Variants in PLCB1 observed in about 807,000 individuals in gnomAD.
PLCB1 encodes the protein 1-phosphatidylinositol 4,5-bisphosphate phosphodiesterase beta-1.
A neutral mutation model predicts 161.8 loss-of-function variants in PLCB1; 46 were observed. The observed-to-expected ratio is 0.28, with a 90% CI of 0.22 to 0.36. PLCB1 has a LOEUF of 0.36. Among genes scored for constraint, PLCB1 ranks in the 10% least tolerant of loss-of-function variants. PLCB1 has a pLI of 1.00. For missense variants in PLCB1, 1,016 were observed against 1,472.5 expected, an observed-to-expected ratio of 0.69 and a Z score of 5.07; for synonymous variants, 517 against 503.7, an observed-to-expected ratio of 1.03 and a Z score of -0.35.
At chr20:8,555,423 C>T (rs1985918877) in intron 3 of PLCB1, among the ~76,000 whole-genome samples, 1 of 152,078 alleles carries the variant, frequency 6.6e-6, no homozygotes, top group African/African-American at 2.4e-5. Context: ...AAGAAGAAAA[C>T]ACAAACTCAT....
intron 2 of PLCB1, among the ~76,000 whole-genome samples, chr20:8,251,522 G>A (rs1050660417): frequency 6.6e-6 from 1 of 151,870 alleles, no homozygotes; most frequent in Admixed American, 6.6e-5. Context: ...ATCTATCAGA[G>A]ACTTTGAGTT....
chr20:8,298,216 G>A (rs1395042325), intron 2 of PLCB1, among the ~76,000 whole-genome samples: 1 of 150,608 alleles, frequency 6.6e-6, no homozygotes, highest in Non-Finnish European at 1.5e-5. Context: ...GATCGCTTGA[G>A]TCTTGGAGGT....
rs773990707 is a variant in PLCB1 at position 8,647,234 on chromosome 20, A to G, written c.465-666A>G. ...GTTTTCCAGACAATGTTTCTAGAAC[A>G]TTCATTCTTCCATGAAATGTTAGTG... is the stretch of plus-strand genomic sequence containing the variant. On this transcript the variant is annotated intron_variant, in intron 5 of 31. Transcript: ENST00000338037. 6.8e-4 allele frequency among the ~76,000 whole-genome samples: 103 copies of G among 152,148 alleles called. 1 individual carries two copies. Among genetic ancestry groups the G allele is most frequent in the Non-Finnish European group, 1.2e-3 (79 of 68,024 alleles).
At chr20:8,705,525 T>C (rs16995128) in intron 11 of PLCB1, among the ~76,000 whole-genome samples, 6,355 of 152,272 alleles carry the variant, frequency 0.042, 441 homozygotes, top group African/African-American at 0.15. Flanking sequence ...ACATGCCCTT[T>C]AAAGCAATCT....
At chr20:8,586,693 C>A (rs1987002184) in intron 3 of PLCB1, among the ~76,000 whole-genome samples, 1 of 152,152 alleles carries the variant, frequency 6.6e-6, no homozygotes, top group African/African-American at 2.4e-5. Flanking sequence ...TAGAGAATCC[C>A]CTTTTCACAT....
At chr20:8,257,090 A>G (rs1277030686) in intron 2 of PLCB1, among the ~76,000 whole-genome samples, 2 of 152,170 alleles carry the variant, frequency 1.3e-5, no homozygotes, top group African/African-American at 4.8e-5. Context: ...CTGTCTCCAG[A>G]GATACCTCTA....
chr20:8,882,258 A>G lies in PLCB1; in HGVS notation c.*409A>G, dbSNP rs1988023914. ...TGAGAAATGCATAGCATTATTTAAC[A>G]CTATTGAACAGCCGACTTTGAGCAT... On this transcript the variant is annotated 3_prime_UTR_variant, in exon 32 of 32. Transcript: ENST00000338037. The G allele has an allele frequency of 5.8e-6, 1 of 173,272 alleles. No individual in the cohort carries two copies. Among genetic ancestry groups the G allele is most frequent in the Non-Finnish European group, 1.3e-5 (1 of 79,668 alleles). 10.7% of individuals were successfully genotyped at this position (173,272 alleles called of 1,614,324 possible). A position where few individuals can be genotyped will look rare whatever the true frequency, so the allele number is the denominator to read the frequency against.
At position 8,647,971 on chromosome 20, in the gene PLCB1, T is replaced by C; in HGVS notation, c.518+18T>C. 6.6e-7 allele frequency: 1 copy of C among 1,506,746 alleles called. No individual in the cohort carries two copies. Among genetic ancestry groups the C allele is most frequent in the South Asian group, 1.2e-5 (1 of 80,860 alleles). The allele number at this position is 1,506,746 out of a possible 1,614,324, so 93.3% of individuals were successfully genotyped here. On this transcript the variant is annotated intron_variant, in intron 6 of 31. Coordinates refer to ENST00000338037, the MANE Select transcript of PLCB1 (RefSeq NM_015192.4). The stretch of plus-strand genomic sequence containing the variant: ...CTCAAAAAGTAAGCTTTGTGAGCAT[T>C]TCTCATTATTCATTTTATTTTCCTC...
chr20:8,280,043 A>G (rs554350173), intron 2 of PLCB1, among the ~76,000 whole-genome samples: 20 of 152,288 alleles, frequency 1.3e-4, no homozygotes, highest in African/African-American at 4.1e-4. Flanking sequence ...ATCACAATAA[A>G]ATGTTATTTA....
At chr20:8,741,711 A>T (rs993313301) in intron 23 of PLCB1, 138 bp downstream of exon 23, 1 of 585,910 alleles carries the variant, frequency 1.7e-6, no homozygotes, top group Admixed American at 2.8e-5. Flanking sequence ...GTTTAGCATC[A>T]TGTCACAGAA....
chr20:8,265,755 TA>T (rs1455411681), intron 2 of PLCB1, among the ~76,000 whole-genome samples: 1 of 152,226 alleles, frequency 6.6e-6, no homozygotes, highest in Non-Finnish European at 1.5e-5. Flanking sequence ...TCTTTTTCTT[TA>T]ACCTAGCAAC....
At position 8,756,985 on chromosome 20, in the gene PLCB1, T is replaced by G. The variant is rs1719914596; in HGVS notation, c.2524-61T>G. ...GCTATAAAATGTAGCCTTGTTGGTT[T>G]AGGAAGGCAAGAAAAGAATAAAAAG... On this transcript the variant is annotated intron_variant, in intron 23 of 31. Transcript: ENST00000338037. 3.4e-6 allele frequency: 5 copies of G among 1,471,858 alleles called. 1 individual carries two copies. The highest frequency in any genetic ancestry group is 2.1e-5 in the Admixed American group (1 of 47,242). The allele number at this position is 1,471,858 out of a possible 1,614,324, so 91.2% of individuals were successfully genotyped here.
chr20:8,448,784 GT>G (rs1230231920), intron 3 of PLCB1, among the ~76,000 whole-genome samples: 1 of 152,156 alleles, frequency 6.6e-6, no homozygotes, highest in Non-Finnish European at 1.5e-5. Context: ...TGTATGAGTG[GT>G]GAGGACAAAA....
At chr20:8,690,207 G>A (rs1172160618) in intron 10 of PLCB1, among the ~76,000 whole-genome samples, 1 of 146,154 alleles carries the variant, frequency 6.8e-6, no homozygotes, top group Non-Finnish European at 1.5e-5. Context: ...ACCAAGGTTT[G>A]CATTAGATAA....
At chr20:8,868,534 T>C (rs928187884) in intron 31 of PLCB1, among the ~76,000 whole-genome samples, 1 of 152,210 alleles carries the variant, frequency 6.6e-6, no homozygotes, top group Non-Finnish European at 1.5e-5. Flanking sequence ...GAATATCAGG[T>C]TCCTGAGACC....
At chr20:8,309,800 T>G (rs1984310168) in intron 2 of PLCB1, among the ~76,000 whole-genome samples, 1 of 152,212 alleles carries the variant, frequency 6.6e-6, no homozygotes, top group Non-Finnish European at 1.5e-5. Context: ...AGGACTTGTA[T>G]TTTTGTGTTT....
At chr20:8,320,303 G>C (rs892125433) in intron 2 of PLCB1, among the ~76,000 whole-genome samples, 6 of 152,182 alleles carry the variant, frequency 3.9e-5, no homozygotes, top group African/African-American at 1.4e-4. Flanking sequence ...CGTAATAGCA[G>C]TTAATACTAT....
chr20:8,155,964 C>T (rs2051555821), intron 2 of PLCB1, among the ~76,000 whole-genome samples: 1 of 152,170 alleles, frequency 6.6e-6, no homozygotes, highest in Admixed American at 6.5e-5. Flanking sequence ...GACTAAGCAG[C>T]AGCATCTGGG....
rs199634903 is a variant in PLCB1 at position 8,482,092 on chromosome 20, A to ATTTTTTTTT, written c.246+110664_246+110672dup. ...TTCAATTTATTTTGTGCTTGAAGGA[A>ATTTTTTTTT]TTTTTTTTTTTTTTTTTTTTTTTTT... On this transcript the variant is annotated intron_variant, in intron 3 of 31. Transcript: ENST00000338037. Among the ~76,000 whole-genome samples the ATTTTTTTTT allele has an allele frequency of 5.0e-3, 525 of 104,808 alleles. 40 individuals are homozygous for ATTTTTTTTT. The highest frequency in any genetic ancestry group is 7.9e-3 in the African/African-American group (186 of 23,634). 68.8% of individuals were successfully genotyped at this position (104,808 alleles called of 152,430 possible).
Sources: gnomAD v4.1 joint callset for allele counts (sites outside exome capture counted in the v4.1 genomes callset) on GRCh38, gnomAD v4.1.1 for gene constraint, MANE v1.5 for transcripts, NCBI Gene and HGNC (gene_info 2026-07-23, HGNC 2026-07-21) for gene names.